TRPM6: variants seen among roughly 807,000 people sequenced by gnomAD.
TRPM6 encodes channel kinase 2.
Under a neutral mutation model 247.6 loss-of-function variants are expected in TRPM6, and 111 were observed. That is an observed-to-expected ratio of 0.45 (90% CI 0.38 to 0.52). TRPM6 has a LOEUF of 0.52. TRPM6 is among the 20% of genes least tolerant of loss of function. The probability of loss-of-function intolerance (pLI) is 0.00; values close to 1 mark genes in which losing one functional copy is unlikely to be tolerated. For synonymous variants in TRPM6, 892 were observed against 853.8 expected, an observed-to-expected ratio of 1.04 and a Z score of -0.78; for missense variants, 2,126 against 2,421.5, an observed-to-expected ratio of 0.88 and a Z score of 2.56.
chr9:74,821,993 A>G (rs922019744), intron 7 of TRPM6, among the ~76,000 whole-genome samples, 156 bp from the exon 8 acceptor site: 2 of 152,196 alleles, frequency 1.3e-5, no homozygotes, highest in Non-Finnish European at 2.9e-5. Flanking sequence ...TTAGATCAAG[A>G]CCAAGCCAGA....
At position 74,797,968 on chromosome 9, in the gene TRPM6, C is replaced by A. The variant is rs188870629; in HGVS notation, c.2239-1075G>T. The stretch of plus-strand genomic sequence containing the variant: ...CGTATCTTTTCTCTACTAGTAAAAC[C>A]CAAGGAGGGTATAGATCCAGACATC... On this transcript the variant is annotated intron_variant, in intron 17 of 38. Transcript: ENST00000360774. Among the ~76,000 whole-genome samples the A allele has an allele frequency of 9.1e-4, 138 of 152,198 alleles. 1 individual carries two copies. The highest frequency in any genetic ancestry group is 3.4e-3 in the Middle Eastern group (1 of 294).
chr9:74,750,873 A>C, intron 29 of TRPM6, 151 bp from the exon 30 acceptor site: 1 of 746,426 alleles, frequency 1.3e-6, no homozygotes, highest in Non-Finnish European at 2.4e-6. Flanking sequence ...ACTAAACCCA[A>C]GCTAGAAAGA....
At chr9:74,815,698 A>G (rs1828901435) in intron 11 of TRPM6, among the ~76,000 whole-genome samples, 1 of 152,222 alleles carries the variant, frequency 6.6e-6, no homozygotes, top group South Asian at 2.1e-4. Context: ...ATATAGCAAT[A>G]TGACATTATT....
At chr9:74,766,489 G>C (rs987346728) in intron 25 of TRPM6, among the ~76,000 whole-genome samples, 1 of 152,214 alleles carries the variant, frequency 6.6e-6, no homozygotes, top group Non-Finnish European at 1.5e-5. Context: ...CAATCATCAT[G>C]AAAATCACCA....
intron 11 of TRPM6, among the ~76,000 whole-genome samples, chr9:74,814,536 G>A (rs907691301): frequency 5.9e-5 from 9 of 152,110 alleles, no homozygotes; most frequent in Non-Finnish European, 4.4e-5. Flanking sequence ...TTGTATGCCT[G>A]TATCAAAATA....
intron 5 of TRPM6, among the ~76,000 whole-genome samples, chr9:74,837,389 C>A (rs921208336): frequency 3.3e-5 from 5 of 152,136 alleles, no homozygotes; most frequent in African/African-American, 4.8e-5. Context: ...CCTTAAGTAG[C>A]CAGGCCATAG....
Position 74,795,439 on chromosome 9 carries a change from C to A in TRPM6, c.2391+1302G>T, listed in dbSNP as rs376223302. Among the ~76,000 whole-genome samples, 49 of 152,310 alleles carry A rather than the reference C, an allele frequency of 3.2e-4. 2 individuals are homozygous for A. The highest frequency in any genetic ancestry group is 1.0e-3 in the South Asian group (5 of 4,824). On this transcript the variant is annotated intron_variant, in intron 18 of 38. Coordinates refer to ENST00000360774, the MANE Select transcript of TRPM6 (RefSeq NM_017662.5). ...TTCCAGCCATTCCTACAAGTACTCC[C>A]AGCTTGTCACATAACCCTCATAACC... is the stretch of plus-strand genomic sequence containing the variant.
At chr9:74,796,246 CT>C (rs1828092253) in intron 18 of TRPM6, among the ~76,000 whole-genome samples, 3 of 152,176 alleles carry the variant, frequency 2.0e-5, no homozygotes, top group African/African-American at 7.2e-5. Context: ...ACTTGAAACA[CT>C]TTTTCAATAC....
chr9:74,780,960 G>A (rs572791778), intron 23 of TRPM6, among the ~76,000 whole-genome samples: 3 of 152,278 alleles, frequency 2.0e-5, no homozygotes, highest in African/African-American at 4.8e-5. Flanking sequence ...TTGGGAAAGA[G>A]GGGAGATGAA....
intron 6 of TRPM6, among the ~76,000 whole-genome samples, chr9:74,829,387 CA>C (rs1248374586): frequency 1.3e-5 from 2 of 152,180 alleles, no homozygotes; most frequent in Non-Finnish European, 2.9e-5. Flanking sequence ...CATTAATGGA[CA>C]TTTTCTTAAG....
chr9:74,880,355 G>C (rs1402262194), intron 1 of TRPM6, among the ~76,000 whole-genome samples: 1 of 152,056 alleles, frequency 6.6e-6, no homozygotes, highest in Non-Finnish European at 1.5e-5. Context: ...CTCAGAGATT[G>C]CCAGAAAGAT....
At chr9:74,785,733 C>T (rs1827632453) in intron 21 of TRPM6, 141 bp downstream of exon 21, 14 of 927,414 alleles carry the variant, frequency 1.5e-5, no homozygotes, top group Non-Finnish European at 2.2e-5. Context: ...CCCTGTTAGC[C>T]AGGATGTTCT....
rs143868796 is a variant in TRPM6 at position 74,861,173 on chromosome 9, A to G, written c.34-2425T>C. On this transcript the variant is annotated intron_variant, in intron 1 of 38. Transcript: ENST00000360774. Reference sequence around the variant, plus strand: ...TTTGCAAAGCACTGACAAACATGTTACAAAAAGTCAGTATGTCCTCAAAGA... The same window carrying G: ...TTTGCAAAGCACTGACAAACATGTTGCAAAAAGTCAGTATGTCCTCAAAGA... 7.9e-3 allele frequency among the ~76,000 whole-genome samples: 1,205 copies of G among 152,356 alleles called. 9 individuals carry two copies. The highest frequency in any genetic ancestry group is 0.012 in the Non-Finnish European group (846 of 68,024).
intron 21 of TRPM6, among the ~76,000 whole-genome samples, chr9:74,783,726 C>A (rs886868576): frequency 3.3e-5 from 5 of 152,128 alleles, no homozygotes; most frequent in Admixed American, 2.6e-4. Flanking sequence ...ACTAATGTCA[C>A]CAAGACAAGA....
chr9:74,752,315 C>T lies in TRPM6; in HGVS notation c.4960G>A (p.Ala1654Thr). Residue 1654 changes from alanine (A) to threonine (T), a missense_variant, in exon 29 of 39, where the codon GCT becomes ACT. Coordinates refer to ENST00000360774, the MANE Select transcript of TRPM6 (RefSeq NM_017662.5). ...TTTAGGTAATCACTGATTTGTATAG[C>T]ACATTGTCCAATTTCTTTAGTTTTC... is the stretch of plus-strand genomic sequence containing the variant. ...KMKTKEIGQC[A>T]IQISDYLKQS... 6.2e-7 allele frequency: 1 copy of T among 1,602,320 alleles called. No individual in the cohort carries two copies. The highest frequency in any genetic ancestry group is 1.1e-5 in the South Asian group (1 of 90,322).
In TRPM6 at chr9:74,742,558, C is replaced by T. The variant is rs765143383; in HGVS notation, c.5200+3G>A. 3 of 1,613,640 alleles carry T rather than the reference C, an allele frequency of 1.9e-6. No individual in the cohort carries two copies. Among genetic ancestry groups the T allele is most frequent in the Non-Finnish European group, 2.5e-6 (3 of 1,179,672 alleles). ...AACTCAAGAAGGTAGAAATGCTACT[C>T]ACCAAACAGTTGGACTGGTGTAAAT... On this transcript the variant is annotated splice_donor_region_variant and intron_variant, in intron 33 of 38. Transcript: ENST00000360774.
intron 14 of TRPM6, among the ~76,000 whole-genome samples, chr9:74,806,970 C>T (rs540276241): frequency 2.6e-5 from 4 of 152,356 alleles, no homozygotes; most frequent in South Asian, 2.1e-4. Flanking sequence ...GCTGCACCAG[C>T]GCCACAGTCA....
intron 25 of TRPM6, among the ~76,000 whole-genome samples, chr9:74,768,310 T>C (rs1826896961): frequency 6.6e-6 from 1 of 152,184 alleles, no homozygotes; most frequent in Non-Finnish European, 1.5e-5. Context: ...CACTCTTGCT[T>C]CCTGGGCATA....
rs749496387 is a variant in TRPM6, at chr9:74,739,807, G to A, written c.5403C>T (p.Phe1801=). The A allele has an allele frequency of 6.2e-7, 1 of 1,614,174 alleles. No individual in the cohort carries two copies. Residue 1801 remains phenylalanine, a synonymous_variant, in exon 34 of 39, where the codon TTC becomes TTT. Coordinates refer to ENST00000360774, the MANE Select transcript of TRPM6 (RefSeq NM_017662.5). ...CCTCAGGAAGAAAGGACTTGACAAT[G>A]AAAACTTGTCCCGGCTTGAGAATGT... ...EDDILKPGQV[F]IVKSFLPEVV...
Sources: gnomAD v4.1 joint callset for allele counts (sites outside exome capture counted in the v4.1 genomes callset) on GRCh38, gnomAD v4.1.1 for gene constraint, MANE v1.5 for transcripts, NCBI Gene and HGNC (gene_info 2026-07-23, HGNC 2026-07-21) for gene names.